The following TAF6L variants were observed in gnomAD, a reference collection of about 807,000 sequenced individuals.
TAF6L encodes the protein TAF6-like RNA polymerase II p300/CBP-associated factor-associated factor 65 kDa subunit 6L.
In TAF6L, 34 loss-of-function variants were observed where a neutral mutation model predicts 57.3. The ratio of observed to expected loss-of-function variants is 0.59; its 90% confidence interval spans 0.45 to 0.79. The LOEUF is 0.79. Among genes scored for constraint, TAF6L ranks in the 30% least tolerant of loss-of-function variants. The pLI is 0.00. For synonymous variants in TAF6L, 417 were observed against 376.3 expected (o/e 1.11, Z -1.25); for missense variants, 782 against 853.2 (o/e 0.92, Z 1.04).
Position 62,778,931 on chromosome 11 carries a change from G to A in TAF6L, c.499G>A (p.Ala167Thr), listed in dbSNP as rs1270375682. The A allele has an allele frequency of 1.9e-6, 3 of 1,613,986 alleles. No homozygotes were observed. The highest frequency in any genetic ancestry group is 2.5e-6 in the Non-Finnish European group (3 of 1,180,040). The change falls in exon 6 of 11, where the codon GCT becomes ACT. Residue 167 changes from alanine to threonine, a missense_variant. Physicochemically the swap from Ala to Thr is moderately conservative, Grantham distance 58. Coordinates refer to ENST00000294168, the MANE Select transcript of TAF6L (RefSeq NM_006473.4). ...LLKYYHQVTR[A>T]VLGDDPQLMK... ...CAAGTACTATCACCAGGTGACTCGT[G>A]CTGTGCTAGGGGATGATCCGCAACT...
chr11:62,775,002 T>C (rs1283874580), intron 1 of TAF6L, among the ~76,000 whole-genome samples: 2 of 148,010 alleles, frequency 1.4e-5, no homozygotes, highest in Non-Finnish European at 3.0e-5. Context: ...AGGCGGAGGT[T>C]GCAGTGAGCT....
Position 62,786,752 on chromosome 11 carries a change from G to A in TAF6L, c.1325G>A (p.Arg442Gln), listed in dbSNP as rs377750789. 4.3e-6 allele frequency: 7 copies of A among 1,613,052 alleles called. No individual in the cohort carries two copies. In the South Asian group the frequency reaches 4.4e-5, roughly 10 times the overall value. The change falls in exon 11 of 11, where the codon CGG (arginine) becomes CAG (glutamine). Residue 442 changes from arginine (R) to glutamine (Q), a missense_variant. This residue lies in a region of TAF6L where 483 missense variants were observed against 445.1 expected (regional missense o/e 1.09). Transcript: ENST00000294168. ...TCGGTGACCCTGGCCGACATCTACC[G>A]GGAGCTCTACGCCTTCTTCGGTGAC... is the stretch of plus-strand genomic sequence containing the variant. ...SLSVTLADIYRELYAFFGDSL... is the reference protein window; with the variant it reads ...SLSVTLADIYQELYAFFGDSL...
Position 62,777,973 on chromosome 11 carries a change from C to T in TAF6L, c.235-5C>T, listed in dbSNP as rs775244916. The T allele has an allele frequency of 6.2e-6, 10 of 1,613,174 alleles. No homozygotes were observed. Among genetic ancestry groups the T allele is most frequent in the South Asian group, 1.1e-5 (1 of 90,994 alleles). ...AGGCTGCTCTCCAATTCCCTTTTTC[C>T]TCAGGCTGTGTGTGGTTACGGATCA... is the stretch of plus-strand genomic sequence containing the variant. On this transcript the variant is annotated splice_polypyrimidine_tract_variant and splice_region_variant and intron_variant, in intron 3 of 10. Transcript: ENST00000294168.
intron 1 of TAF6L, among the ~76,000 whole-genome samples, chr11:62,774,278 G>T (rs1178554112): frequency 6.6e-6 from 1 of 152,020 alleles, no homozygotes; most frequent in Non-Finnish European, 1.5e-5. Context: ...GGGTTTCACC[G>T]TGTTAACCAG....
chr11:62,786,582 T>A lies in TAF6L; in HGVS notation c.1155T>A (p.Gly385=). The change falls in exon 11 of 11, where the codon GGT becomes GGA. Residue 385 remains glycine (G), a synonymous_variant. Transcript: ENST00000294168. ...CAGAGCCCAACAGGGGTGGCCCAGGTGGCAGGGGGTGCCGGCGCCTGGACG... is the reference window on the plus strand; with the variant it reads ...CAGAGCCCAACAGGGGTGGCCCAGGAGGCAGGGGGTGCCGGCGCCTGGACG... ...QAAEPNRGGP[G]GRGCRRLDDL... is the part of the protein sequence containing the mutation. The A allele has an allele frequency of 1.3e-6, 2 of 1,573,532 alleles. No homozygotes were observed. Among genetic ancestry groups the A allele is most frequent in the South Asian group, 1.2e-5 (1 of 83,962 alleles).
At chr11:62,780,226 G>T (rs1273901533) in intron 6 of TAF6L, among the ~76,000 whole-genome samples, 1 of 151,734 alleles carries the variant, frequency 6.6e-6, no homozygotes, top group Admixed American at 6.6e-5. Context: ...GCTGAGGCAG[G>T]AGAATTGCTT....
chr11:62,776,991 A>G (rs2084192922), intron 3 of TAF6L, among the ~76,000 whole-genome samples: 1 of 152,024 alleles, frequency 6.6e-6, no homozygotes, highest in African/African-American at 2.4e-5. Context: ...TACTAAAAAT[A>G]CAAAAATTAG....
chr11:62,779,976 A>ATATATATATATATATTTTTTTTTTTT (rs1294367864), intron 6 of TAF6L, among the ~76,000 whole-genome samples: 4 of 52,624 alleles, frequency 7.6e-5, no homozygotes, highest in Non-Finnish European at 7.3e-5. Flanking sequence ...ATATATATAT[A>ATATATATATATATATTTTTTTTTTTT]TTTTTTTTTT....
chr11:62,786,905 T>A lies in TAF6L; in HGVS notation c.1478T>A (p.Ile493Lys). ...ATGCCGCAGCTGACGGCAAGCGCCA[T>A]AGTCAGCCCGCACGGCGACGAGAGC... ...RKMPQLTASA[I>K]VSPHGDESPR... The change falls in exon 11 of 11, where the codon ATA becomes AAA. Residue 493 changes from isoleucine (I) to lysine (K), a missense_variant. This residue lies in a region of TAF6L where 483 missense variants were observed against 445.1 expected (regional missense o/e 1.09). Transcript: ENST00000294168. 6.6e-7 allele frequency: 1 copy of A among 1,521,294 alleles called. No individual in the cohort carries two copies. Among genetic ancestry groups the A allele is most frequent in the Non-Finnish European group, 8.7e-7 (1 of 1,144,406 alleles). The allele number at this position is 1,521,294 out of a possible 1,614,324, so 94.2% of individuals were successfully genotyped here. A position where few individuals can be genotyped will look rare whatever the true frequency, so the allele number is the denominator to read the frequency against.
At chr11:62,782,930 C>T in intron 9 of TAF6L, 105 bp downstream of exon 9, 2 of 1,493,338 alleles carry the variant, frequency 1.3e-6, no homozygotes, top group East Asian at 2.3e-5. Flanking sequence ...CCTGCCACTG[C>T]CATGTATTGA....
chr11:62,772,805 CAAAA>C (rs770586046), intron 1 of TAF6L, among the ~76,000 whole-genome samples: 1 of 109,698 alleles, frequency 9.1e-6, no homozygotes, highest in African/African-American at 3.1e-5. Context: ...ACATCATCTC[CAAAA>C]AAAAAAAAAA....
rs183518142 is a variant in TAF6L, at chr11:62,780,892, G to A, written c.532-1002G>A. On this transcript the variant is annotated intron_variant, in intron 6 of 10. Coordinates refer to ENST00000294168, the MANE Select transcript of TAF6L (RefSeq NM_006473.4). ...GCAGAGGTTGCAATGAGCCGAGATC[G>A]CGCCACCGCACTCCAGCCTGGGCAA... Among the ~76,000 whole-genome samples, 802 of 147,676 alleles carry A rather than the reference G, an allele frequency of 5.4e-3. 6 individuals carry two copies. The highest frequency in any genetic ancestry group is 0.019 in the African/African-American group (766 of 39,820).
At chr11:62,772,604 C>T (rs1216648622) in intron 1 of TAF6L, among the ~76,000 whole-genome samples, 1 of 149,978 alleles carries the variant, frequency 6.7e-6, no homozygotes, top group Non-Finnish European at 1.5e-5. Context: ...CCGAGGTGGG[C>T]GGATCACCTG....
intron 9 of TAF6L, among the ~76,000 whole-genome samples, chr11:62,783,472 ACT>A (rs1226363475): frequency 8.8e-5 from 13 of 147,760 alleles, no homozygotes; most frequent in Admixed American, 6.8e-4. Context: ...ACAGAGCGAG[ACT>A]CTGTCTCAAA....
At chr11:62,780,951 A>G (rs1401382287) in intron 6 of TAF6L, among the ~76,000 whole-genome samples, 1 of 147,162 alleles carries the variant, frequency 6.8e-6, no homozygotes, top group African/African-American at 2.5e-5. Context: ...AAAAAAAAAA[A>G]AGGGCCGGGC....
intron 8 of TAF6L, 119 bp from the exon 9 acceptor site, chr11:62,782,574 C>A: frequency 6.9e-7 from 1 of 1,450,848 alleles, no homozygotes; most frequent in Non-Finnish European, 9.4e-7. Context: ...CAGCCTTCTT[C>A]ACTTAACCCC....
At chr11:62,777,063 C>T (rs1315528600) in intron 3 of TAF6L, among the ~76,000 whole-genome samples, 2 of 151,652 alleles carry the variant, frequency 1.3e-5, no homozygotes, top group Non-Finnish European at 2.9e-5. Flanking sequence ...AGGAGAATCG[C>T]GTGAACCTGG....
At chr11:62,773,117 A>G (rs2084161869) in intron 1 of TAF6L, among the ~76,000 whole-genome samples, 1 of 151,422 alleles carries the variant, frequency 6.6e-6, no homozygotes, top group Non-Finnish European at 1.5e-5. Flanking sequence ...CTGGGATTAC[A>G]GGCGTGAGCC....
At chr11:62,784,185 T>C (rs2134721924) in intron 9 of TAF6L, among the ~76,000 whole-genome samples, 1 of 149,408 alleles carries the variant, frequency 6.7e-6, no homozygotes, top group East Asian at 2.0e-4. Flanking sequence ...AGACGGGGTT[T>C]CACAATGTTG....
Sources: allele counts gnomAD v4.1 joint callset (sites outside exome capture counted in the v4.1 genomes callset), GRCh38; gene constraint gnomAD v4.1.1; regional missense constraint gnomAD v4.1.1; transcripts MANE v1.5; gene names NCBI Gene and HGNC (gene_info 2026-07-23, HGNC 2026-07-21).